SCAMP1: variants seen among roughly 807,000 people sequenced by gnomAD.
SCAMP1 encodes the protein secretory carrier membrane protein 1, also known as secretory carrier-associated membrane protein 1.
SCAMP1 carries 15 observed loss-of-function variants against 41.8 expected under a neutral mutation model. That is an observed-to-expected ratio of 0.36 (90% CI 0.24 to 0.55). The LOEUF is 0.55. Among genes scored for constraint, SCAMP1 ranks in the 20% least tolerant of loss-of-function variants. The pLI, the probability that SCAMP1 is intolerant of heterozygous loss-of-function variation, is 0.86. For synonymous variants in SCAMP1, 135 were observed against 136.8 expected, an observed-to-expected ratio of 0.99 and a Z score of 0.09; for missense variants, 341 against 412.6, an observed-to-expected ratio of 0.83 and a Z score of 1.50.
intron 2 of SCAMP1, among the ~76,000 whole-genome samples, chr5:78,404,672 T>G (rs1457813035): frequency 6.6e-6 from 1 of 152,114 alleles, no homozygotes; most frequent in Non-Finnish European, 1.5e-5. Context: ...TGGCTGCAGT[T>G]GGGTATTTCC....
chr5:78,438,130 G>C (rs1752811952), intron 6 of SCAMP1, among the ~76,000 whole-genome samples: 1 of 152,138 alleles, frequency 6.6e-6, no homozygotes, highest in African/African-American at 2.4e-5. Context: ...CTTGCTAGCA[G>C]TCTGTCAATT....
chr5:78,429,956 C>T (rs1752562113), intron 6 of SCAMP1, among the ~76,000 whole-genome samples: 1 of 151,640 alleles, frequency 6.6e-6, no homozygotes, highest in Non-Finnish European at 1.5e-5. Flanking sequence ...CATCTTTTCT[C>T]CCCACAGTCC....
rs1473043823 is a variant in SCAMP1, at chr5:78,480,002, C to T, written c.*4334C>T. Among the ~76,000 whole-genome samples, 2 of 151,744 alleles carry T rather than the reference C, an allele frequency of 1.3e-5. No individual in the cohort carries two copies. The highest frequency in any genetic ancestry group is 4.9e-5 in the African/African-American group (2 of 41,218). ...CGGAGCTTGCAGTGAGCCGAGATCT[C>T]TCCACTGCACTCCAGCCTGGGCGAC... On this transcript the variant is annotated 3_prime_UTR_variant, in exon 9 of 9. Transcript: ENST00000621999.
chr5:78,398,355 CTTTTTTTTTT>C (rs1197381285), intron 2 of SCAMP1, among the ~76,000 whole-genome samples: 16 of 57,466 alleles, frequency 2.8e-4, no homozygotes, highest in African/African-American at 3.7e-4. Flanking sequence ...GGGTTCACCT[CTTTTTTTTTT>C]TTTTTTTTTT....
At chr5:78,373,327 A>G (rs1232151282) in intron 1 of SCAMP1, among the ~76,000 whole-genome samples, 10 of 152,164 alleles carry the variant, frequency 6.6e-5, no homozygotes, top group Admixed American at 2.0e-4. Context: ...ATGTATTACT[A>G]CTTTCAAGCT....
chr5:78,378,618 G>A (rs1231060612), intron 1 of SCAMP1, among the ~76,000 whole-genome samples: 2 of 152,282 alleles, frequency 1.3e-5, no homozygotes, highest in East Asian at 1.9e-4. Context: ...AGTGAAATAT[G>A]AAGTAAACAC....
chr5:78,387,729 TC>T (rs1253615801), intron 1 of SCAMP1, among the ~76,000 whole-genome samples: 1 of 152,158 alleles, frequency 6.6e-6, no homozygotes, highest in African/African-American at 2.4e-5. Flanking sequence ...TTATTTCTCT[TC>T]TGGATCAAGC....
chr5:78,400,435 G>T (rs562243391), intron 2 of SCAMP1, among the ~76,000 whole-genome samples: 3 of 152,260 alleles, frequency 2.0e-5, no homozygotes, highest in South Asian at 2.1e-4. Context: ...GGATTGCGTT[G>T]AATCTGTAGA....
intron 8 of SCAMP1, among the ~76,000 whole-genome samples, chr5:78,463,539 A>G (rs10063742): frequency 0.82 from 124,352 of 152,240 alleles, 51,445 homozygotes; most frequent in East Asian, 0.92. Context: ...TCATCTTCTC[A>G]CAGTAATGCC....
intron 6 of SCAMP1, among the ~76,000 whole-genome samples, chr5:78,444,045 C>A (rs914685657): frequency 6.6e-6 from 1 of 151,920 alleles, no homozygotes; most frequent in East Asian, 1.9e-4. Context: ...TTTTTTTGCA[C>A]TGTTGTGGTA....
chr5:78,418,863 A>G lies in SCAMP1; in HGVS notation c.432A>G (p.Glu144=), dbSNP rs1256091208. The G allele has an allele frequency of 2.5e-6, 4 of 1,580,896 alleles. No homozygotes were observed. The South Asian group carries it at 3.5e-5, about 14-fold the overall frequency. Residue 144 remains glutamate (E), a synonymous_variant, in exon 5 of 9, where the codon GAA becomes GAG. Coordinates refer to ENST00000621999, the MANE Select transcript of SCAMP1 (RefSeq NM_004866.6). ...YQDFSVDIPV[E]FQKTVKLMYY... is the part of the protein sequence containing the mutation. The stretch of plus-strand genomic sequence containing the variant: ...ATTTTTCTGTAGACATTCCTGTAGA[A>G]TTCCAAAAGACAGTAAAGCTTATGT...
At chr5:78,408,512 C>G (rs6453386) in intron 2 of SCAMP1, among the ~76,000 whole-genome samples, 144,784 of 152,164 alleles carry the variant, frequency 0.95, 69,090 homozygotes, top group Non-Finnish European at 0.97. Context: ...ATCCTTTTCA[C>G]TGAAAATTGG....
intron 6 of SCAMP1, among the ~76,000 whole-genome samples, chr5:78,439,317 C>T (rs1213370444): frequency 1.3e-5 from 2 of 149,216 alleles, no homozygotes; most frequent in Admixed American, 6.6e-5. Context: ...CATCGATGGC[C>T]TTTACAATTT....
At position 78,479,702 on chromosome 5, in the gene SCAMP1, T is replaced by C. The variant is rs1445088826; in HGVS notation, c.*4034T>C. On this transcript the variant is annotated 3_prime_UTR_variant, in exon 9 of 9. Transcript: ENST00000621999. ...GTTTTCTCACCCCCGCTGTGGGTTT[T>C]ATATTTACAATTTAACTTTGGGGTT... Among the ~76,000 whole-genome samples, 1 of 152,230 alleles carries C rather than the reference T, an allele frequency of 6.6e-6. No individual in the cohort carries two copies. The highest frequency in any genetic ancestry group is 2.4e-5 in the African/African-American group (1 of 41,464).
chr5:78,433,033 C>T (rs539433971), intron 6 of SCAMP1, among the ~76,000 whole-genome samples: 11 of 152,238 alleles, frequency 7.2e-5, no homozygotes, highest in African/African-American at 2.4e-4. Context: ...CTCAAAGGTA[C>T]TCTTCATCTC....
intron 1 of SCAMP1, among the ~76,000 whole-genome samples, chr5:78,382,808 T>TGCGC (rs757523446): frequency 7.1e-6 from 1 of 140,194 alleles, no homozygotes; most frequent in Non-Finnish European, 1.6e-5. Context: ...TGTGTGTGTG[T>TGCGC]GTGTGTGTGT....
At chr5:78,386,358 G>T (rs975805473) in intron 1 of SCAMP1, among the ~76,000 whole-genome samples, 1 of 152,048 alleles carries the variant, frequency 6.6e-6, no homozygotes, top group African/African-American at 2.4e-5. Context: ...TATGTGTCAG[G>T]TGAGTCTCTT....
At chr5:78,470,669 T>A (rs1355560484) in intron 8 of SCAMP1, among the ~76,000 whole-genome samples, 2 of 152,158 alleles carry the variant, frequency 1.3e-5, no homozygotes, top group Non-Finnish European at 2.9e-5. Flanking sequence ...CTTGTGTACA[T>A]ATATACCCAA....
intron 1 of SCAMP1, among the ~76,000 whole-genome samples, chr5:78,365,191 A>T (rs536264852): frequency 7.9e-5 from 12 of 152,128 alleles, no homozygotes; most frequent in Admixed American, 3.9e-4. Context: ...ATTCTGTTTA[A>T]TGGCCAGGCG....
Sources: allele counts gnomAD v4.1 joint callset (sites outside exome capture counted in the v4.1 genomes callset), GRCh38; gene constraint gnomAD v4.1.1; transcripts MANE v1.5; gene names NCBI Gene and HGNC (gene_info 2026-07-23, HGNC 2026-07-21).